WDR27: variants seen among roughly 807,000 people sequenced by gnomAD.
WDR27 encodes the protein WD repeat-containing protein 27.
In WDR27, 100 loss-of-function variants were observed where a neutral mutation model predicts 114.4. That is an observed-to-expected ratio of 0.87 (90% CI 0.74 to 1.03). WDR27 has a LOEUF of 1.03. WDR27 is among the 50% of genes least tolerant of loss of function. The probability of loss-of-function intolerance (pLI) is 0.00; values close to 1 mark genes in which losing one functional copy is unlikely to be tolerated. For missense variants in WDR27, 1,129 were observed against 1,092.9 expected (o/e 1.03, Z -0.47); for synonymous variants, 449 against 423.1 (o/e 1.06, Z -0.75).
chr6:169,635,954 A>G (rs1817576189), intron 19 of WDR27, among the ~76,000 whole-genome samples: 1 of 152,236 alleles, frequency 6.6e-6, no homozygotes. Flanking sequence ...AAATTCTGGA[A>G]AACAAAGATA....
rs369797685 is a variant in WDR27, at chr6:169,645,036, TAAAAAAAAAAAA to T, written c.1658-1262_1658-1251del. On this transcript the variant is annotated intron_variant, in intron 16 of 25. Coordinates refer to ENST00000448612, the MANE Select transcript of WDR27 (RefSeq NM_182552.5). ...AAAAAAAAAAAATAAAAAAAAAAAA[TAAAAAAAAAAAA>T]AAAAAAAAAAGAAAATCCTAGTTCA... Among the ~76,000 whole-genome samples, 165 of 76,964 alleles carry T rather than the reference TAAAAAAAAAAAA, an allele frequency of 2.1e-3. 29 individuals are homozygous for T. The highest frequency in any genetic ancestry group is 6.0e-3 in the African/African-American group (107 of 17,776). The allele number at this position is 76,964 out of a possible 152,430, so 50.5% of individuals were successfully genotyped here.
At chr6:169,558,366 C>A (rs1454534099) in intron 25 of WDR27, 4 of 152,034 alleles carry the variant, frequency 2.6e-5, no homozygotes, top group Admixed American at 6.6e-5. Flanking sequence ...TGTAATAATT[C>A]ATGCTTAGAA....
At chr6:169,654,777 A>C (rs1053282389) in intron 13 of WDR27, among the ~76,000 whole-genome samples, 12 of 148,852 alleles carry the variant, frequency 8.1e-5, no homozygotes, top group African/African-American at 2.5e-4. Context: ...CAGCAGAAGG[A>C]GGCGCGTTCA....
intron 25 of WDR27, among the ~76,000 whole-genome samples, chr6:169,542,249 A>G (rs752685737): frequency 7.2e-5 from 11 of 152,174 alleles, no homozygotes; most frequent in Non-Finnish European, 1.2e-4. Context: ...TTTATAAAGA[A>G]AAATATTGAC....
Position 169,507,753 on chromosome 6 carries a change from CATAA to C in WDR27, c.2646-50123_2646-50120del. Among the ~76,000 whole-genome samples, 7 of 152,262 alleles carry C rather than the reference CATAA, an allele frequency of 4.6e-5. No individual in the cohort carries two copies. The Middle Eastern group carries it at 0.02, about 444-fold the overall frequency. On this transcript the variant is annotated intron_variant, in intron 25 of 25. Coordinates refer to ENST00000448612, the MANE Select transcript of WDR27 (RefSeq NM_182552.5). ...ACACTAAAGAATATTTTTCAATGTT[CATAA>C]ATAAAGTTTTATTGGTACACAGACA...
chr6:169,693,542 A>G (rs1785041782), intron 1 of WDR27, among the ~76,000 whole-genome samples: 1 of 152,256 alleles, frequency 6.6e-6, no homozygotes, highest in Admixed American at 6.5e-5. Context: ...ACAAAATGGC[A>G]GAATGGATAA....
In WDR27 at chr6:169,571,260, T is replaced by TA. The variant is rs5881836; in HGVS notation, c.2645+1158dup. Among the ~76,000 whole-genome samples, 404 of 141,172 alleles carry TA rather than the reference T, an allele frequency of 2.9e-3. 3 individuals carry two copies. Among genetic ancestry groups the TA allele is most frequent in the African/African-American group, 9.6e-3 (345 of 36,102 alleles). The allele number at this position is 141,172 out of a possible 152,430, so 92.6% of individuals were successfully genotyped here. On this transcript the variant is annotated intron_variant, in intron 25 of 25. Coordinates refer to ENST00000448612, the MANE Select transcript of WDR27 (RefSeq NM_182552.5). ...CCACATACCTTAGTCAGAAAAAAAT[T>TA]AAAAAAAAAATAAATAAAAAGATGA...
At chr6:169,448,175 A>G in the WDR27 span, among the ~76,000 whole-genome samples, 1 of 152,152 alleles carries the variant, frequency 6.6e-6, no homozygotes, top group African/African-American at 2.4e-5. Context: ...AAGTGCTGAG[A>G]TTACAGGCGT....
At chr6:169,495,503 A>G (rs960934877) in intron 25 of WDR27, among the ~76,000 whole-genome samples, 1 of 124,400 alleles carries the variant, frequency 8.0e-6, no homozygotes, top group Non-Finnish European at 1.7e-5. Context: ...ATGAAACAAA[A>G]AGTTGATTCT....
intron 23 of WDR27, among the ~76,000 whole-genome samples, chr6:169,583,839 T>A (rs1312923324): frequency 6.6e-6 from 1 of 152,158 alleles, no homozygotes; most frequent in Non-Finnish European, 1.5e-5. Context: ...TGCCTACAGA[T>A]ATGAAGATAA....
chr6:169,560,430 C>T (rs1393496216), intron 25 of WDR27, among the ~76,000 whole-genome samples: 1 of 152,194 alleles, frequency 6.6e-6, no homozygotes, highest in African/African-American at 2.4e-5. Flanking sequence ...TTGTCTTTGG[C>T]TACAAATAAG....
chr6:169,672,030 A>G, intron 3 of WDR27: 1 of 434,948 alleles, frequency 2.3e-6, no homozygotes, highest in South Asian at 5.4e-5. Context: ...AGATCAGCAT[A>G]ACAGACAGCA....
intron 22 of WDR27, among the ~76,000 whole-genome samples, chr6:169,609,223 G>A (rs975867073): frequency 6.6e-6 from 1 of 152,132 alleles, no homozygotes; most frequent in African/African-American, 2.4e-5. Context: ...ATCATTCTGG[G>A]GTCTGGAGGA....
intron 25 of WDR27, among the ~76,000 whole-genome samples, chr6:169,492,959 C>T (rs1789958637): frequency 2.0e-5 from 3 of 151,866 alleles, no homozygotes. Context: ...ATTAAGTCAA[C>T]ATGCAGAGAC....
chr6:169,459,072 G>A (rs1784613900), intron 25 of WDR27, among the ~76,000 whole-genome samples: 1 of 151,928 alleles, frequency 6.6e-6, no homozygotes, highest in African/African-American at 2.4e-5. Flanking sequence ...AAAGAAATAG[G>A]AAAGTATGGC....
At chr6:169,556,943 C>T (rs973138979) in intron 25 of WDR27, among the ~76,000 whole-genome samples, 1 of 152,180 alleles carries the variant, frequency 6.6e-6, no homozygotes, top group Non-Finnish European at 1.5e-5. Flanking sequence ...CACTGAGACT[C>T]TCATACCTTG....
chr6:169,588,227 G>A (rs950373719), intron 23 of WDR27, among the ~76,000 whole-genome samples: 2 of 152,290 alleles, frequency 1.3e-5, no homozygotes, highest in Middle Eastern at 3.4e-3. Flanking sequence ...GTGCTGGAGG[G>A]ACTACAGTTG....
rs899415009 is a variant in WDR27 at position 169,684,615 on chromosome 6, A to G, written c.189+4202T>C. Among the ~76,000 whole-genome samples, 6 of 152,212 alleles carry G rather than the reference A, an allele frequency of 3.9e-5. No individual in the cohort carries two copies. The highest frequency in any genetic ancestry group is 1.4e-4 in the African/African-American group (6 of 41,460). ...AGACATACCCCCAGGTCAGCCAAGCAGCCATAAGCTGTGTGACTATGTCCT... is the reference window on the plus strand; with the variant it reads ...AGACATACCCCCAGGTCAGCCAAGCGGCCATAAGCTGTGTGACTATGTCCT... On this transcript the variant is annotated intron_variant, in intron 2 of 25. Transcript: ENST00000448612. This position sits in a 1 kb window ranked among gnomAD's most constrained non-coding sequence, Gnocchi z 4.3.
At chr6:169,609,821 T>C (rs962504665) in intron 22 of WDR27, among the ~76,000 whole-genome samples, 10 of 152,250 alleles carry the variant, frequency 6.6e-5, no homozygotes, top group African/African-American at 2.2e-4. Flanking sequence ...AGGCTGCAAA[T>C]TTTTCAAACT....
Sources: gnomAD v4.1 joint callset for allele counts (sites outside exome capture counted in the v4.1 genomes callset) on GRCh38, gnomAD v4.1.1 for gene constraint, Gnocchi (gnomAD v3.1) non-coding constraint, MANE v1.5 for transcripts, NCBI Gene and HGNC (gene_info 2026-07-23, HGNC 2026-07-21) for gene names.